RLF: variants seen among roughly 807,000 people sequenced by gnomAD.
The protein encoded by RLF is zinc finger protein Rlf.
RLF carries 7 observed loss-of-function variants against 162.9 expected under a neutral mutation model. That is an observed-to-expected ratio of 0.04 (90% CI 0.02 to 0.08). The LOEUF (loss-of-function observed/expected upper bound fraction) is 0.08. Among genes scored for constraint, RLF ranks in the 10% least tolerant of loss-of-function variants. RLF has a pLI of 1.00. For synonymous variants in RLF, 782 were observed against 791.5 expected, an observed-to-expected ratio of 0.99 and a Z score of 0.20; for missense variants, 1,664 against 2,244.7, an observed-to-expected ratio of 0.74 and a Z score of 5.23.
chr1:40,235,864 G>A lies in RLF; in HGVS notation c.1162G>A (p.Glu388Lys). ...RALQLRSSEDEEMKASVCKTI... is the reference protein window; with the variant it reads ...RALQLRSSEDKEMKASVCKTI... ...TCTTCAACTCAGATCAAGTGAAGAT[G>A]AGGAAATGAAGGCATCAGTTTGTAA... The change falls in exon 8 of 8, where the codon GAG (glutamate) becomes AAG (lysine). Residue 388 changes from glutamate (E) to lysine (K), a missense_variant. Transcript: ENST00000372771. 6.2e-7 allele frequency: 1 copy of A among 1,614,034 alleles called. No homozygotes were observed. The highest frequency in any genetic ancestry group is 8.5e-7 in the Non-Finnish European group (1 of 1,179,966).
At chr1:40,198,478 A>G (rs1294740851) in intron 4 of RLF, among the ~76,000 whole-genome samples, 1 of 150,448 alleles carries the variant, frequency 6.6e-6, no homozygotes, top group Non-Finnish European at 1.5e-5. Flanking sequence ...CTAATTTTTT[A>G]TATTTAGAAA....
intron 1 of RLF, among the ~76,000 whole-genome samples, 168 bp from the exon 2 acceptor site, chr1:40,188,887 T>G (rs1008725901): frequency 6.6e-6 from 1 of 152,180 alleles, no homozygotes; most frequent in African/African-American, 2.4e-5. Context: ...AATCATTCAT[T>G]AAGTGATGAA....
intron 1 of RLF, among the ~76,000 whole-genome samples, chr1:40,162,779 A>AT (rs1642113346): frequency 6.6e-6 from 1 of 152,170 alleles, no homozygotes; most frequent in African/African-American, 2.4e-5. Flanking sequence ...TACCACTCCA[A>AT]TTTTTGTGTG....
intron 1 of RLF, among the ~76,000 whole-genome samples, chr1:40,183,710 C>G (rs972296910): frequency 2.0e-5 from 3 of 151,374 alleles, no homozygotes; most frequent in African/African-American, 7.3e-5. Context: ...TGACTTTGCC[C>G]AAATAATTCA....
chr1:40,177,760 ATTT>A (rs938101178), intron 1 of RLF: 4 of 152,070 alleles, frequency 2.6e-5, no homozygotes, highest in African/African-American at 9.7e-5. Flanking sequence ...TTTGGAGTTA[ATTT>A]TTATATACGG....
chr1:40,172,488 G>T (rs1278836869), intron 1 of RLF, among the ~76,000 whole-genome samples: 2 of 152,166 alleles, frequency 1.3e-5, no homozygotes, highest in Non-Finnish European at 2.9e-5. Context: ...TCCTGGAATT[G>T]AAATTATAGG....
At position 40,190,787 on chromosome 1, in the gene RLF, A is replaced by T. The variant is rs1448994259; in HGVS notation, c.408A>T (p.Leu136Phe). 6.2e-7 allele frequency: 1 copy of T among 1,610,658 alleles called. No individual in the cohort carries two copies. The highest frequency in any genetic ancestry group is 1.3e-5 in the African/African-American group (1 of 74,844). ...LGRLVLSCFE[L>F]LLSVSESELP... The stretch of plus-strand genomic sequence containing the variant: ...TTTATTGTAGGAGTTGTTTCGAATT[A>T]CTGCTTTCAGTGTCTGAAAGTGAAC... The change falls in exon 3 of 8, where the codon TTA (leucine) becomes TTT (phenylalanine). Residue 136 changes from leucine to phenylalanine, a missense_variant. Leu to Phe is a conservative substitution (Grantham distance 22, BLOSUM62 0). This residue lies in a region of RLF where 287 missense variants were observed against 404.9 expected (regional missense o/e 0.71). Coordinates refer to ENST00000372771, the MANE Select transcript of RLF (RefSeq NM_012421.4).
intron 6 of RLF, among the ~76,000 whole-genome samples, chr1:40,226,607 G>A (rs1209315406): frequency 6.6e-6 from 1 of 152,180 alleles, no homozygotes; most frequent in East Asian, 1.9e-4. Context: ...ACTAGCATAT[G>A]TGTTTTATTT....
rs1009194643 is a variant in RLF at position 40,198,915 on chromosome 1, C to T, written c.607+3151C>T. On this transcript the variant is annotated intron_variant, in intron 4 of 7. Transcript: ENST00000372771. Reference sequence around the variant, plus strand: ...AATAAAGAAATTCAAAGATTGATATCTTCAAATGATTTGTAAAATACAAGA... The same window carrying T: ...AATAAAGAAATTCAAAGATTGATATTTTCAAATGATTTGTAAAATACAAGA... 4.6e-5 allele frequency among the ~76,000 whole-genome samples: 7 copies of T among 152,282 alleles called. No homozygotes were observed. In the East Asian group the frequency reaches 1.4e-3, roughly 29 times the overall value.
chr1:40,161,417 A>T lies in RLF; in HGVS notation c.18A>T (p.Gly6=). Residue 6 remains glycine (G), a synonymous_variant, in exon 1 of 8, where the codon GGA becomes GGT. Coordinates refer to ENST00000372771, the MANE Select transcript of RLF (RefSeq NM_012421.4). The surrounding 1 kb of genome is among the most constrained non-coding windows in gnomAD (Gnocchi z 4.4). MADGK[G]DAAAVAGAGA... ...GTGGGAAGATGGCGGACGGAAAGGG[A>T]GACGCCGCCGCTGTCGCCGGGGCTG... 6.5e-7 allele frequency: 1 copy of T among 1,544,936 alleles called. No individual in the cohort carries two copies. The highest frequency in any genetic ancestry group is 2.4e-5 in the East Asian group (1 of 41,084).
At chr1:40,180,857 G>T (rs1314311199) in intron 1 of RLF, among the ~76,000 whole-genome samples, 3 of 152,128 alleles carry the variant, frequency 2.0e-5, no homozygotes, top group Non-Finnish European at 4.4e-5. Flanking sequence ...TTACTCTCTT[G>T]ATAGTGTCCT....
At chr1:40,231,000 A>G (rs1056927500) in intron 6 of RLF, among the ~76,000 whole-genome samples, 2 of 152,148 alleles carry the variant, frequency 1.3e-5, no homozygotes, top group African/African-American at 4.8e-5. Context: ...TACTTATTTC[A>G]CTGGAAGTAT....
At position 40,237,438 on chromosome 1, in the gene RLF, A is replaced by G. The variant is rs751697982; in HGVS notation, c.2736A>G (p.Leu912=). ...CTTCAGCTTCAATGAATGAAGAGCTAATTGACACACTAGATCACTCTGAAA... is the reference window on the plus strand; with the variant it reads ...CTTCAGCTTCAATGAATGAAGAGCTGATTGACACACTAGATCACTCTGAAA... ...HSSSASMNEE[L]IDTLDHSETM... The change falls in exon 8 of 8, where the codon CTA becomes CTG. Residue 912 remains leucine (L), a synonymous_variant. Transcript: ENST00000372771. This position sits in a 1 kb window ranked among gnomAD's most constrained non-coding sequence, Gnocchi z 4.4. The G allele has an allele frequency of 1.9e-6, 3 of 1,614,086 alleles. No individual in the cohort carries two copies. The highest frequency in any genetic ancestry group is 1.7e-5 in the Admixed American group (1 of 60,016).
At position 40,237,027 on chromosome 1, in the gene RLF, A is replaced by G. The variant is rs1200349924; in HGVS notation, c.2325A>G (p.Leu775=). 2 of 1,614,194 alleles carry G rather than the reference A, an allele frequency of 1.2e-6. No homozygotes were observed. Among genetic ancestry groups the G allele is most frequent in the Non-Finnish European group, 1.7e-6 (2 of 1,180,022 alleles). Reference sequence around the variant, plus strand: ...ACGATCTGCGTTACAAATGTGAATTAAATGGCTGTAATATTGTTTTCAGTG... The same window carrying G: ...ACGATCTGCGTTACAAATGTGAATTGAATGGCTGTAATATTGTTTTCAGTG... The part of the protein sequence containing the change: ...KHDDLRYKCE[L]NGCNIVFSDL... Residue 775 remains leucine (L), a synonymous_variant, in exon 8 of 8, where the codon TTA becomes TTG. Coordinates refer to ENST00000372771, the MANE Select transcript of RLF (RefSeq NM_012421.4). This position sits in a 1 kb window ranked among gnomAD's most constrained non-coding sequence, Gnocchi z 4.4.
Position 40,222,538 on chromosome 1 carries a change from A to G in RLF, c.811-36A>G, listed in dbSNP as rs765937732. On this transcript the variant is annotated intron_variant, in intron 5 of 7. Transcript: ENST00000372771. ...TAACAAAGTTTACTGAAAAGTCACC[A>G]TTTTCTTTTTGACTTAGTCATCTCA... 7 of 1,599,732 alleles carry G rather than the reference A, an allele frequency of 4.4e-6. No individual in the cohort carries two copies. In the South Asian group the frequency reaches 7.9e-5, roughly 18 times the overall value.
At position 40,186,955 on chromosome 1, in the gene RLF, A is replaced by G. The variant is rs61780447; in HGVS notation, c.238-2100A>G. On this transcript the variant is annotated intron_variant, in intron 1 of 7. Transcript: ENST00000372771. ...AACTCCTTAATTCTTAGATTAGCCA[A>G]TGCAGACAGTAAGTAACTTACTGAC... is the stretch of plus-strand genomic sequence containing the variant. 3.6e-3 allele frequency among the ~76,000 whole-genome samples: 555 copies of G among 152,302 alleles called. 13 individuals carry two copies. The highest frequency in any genetic ancestry group is 0.032 in the East Asian group (165 of 5,186).
intron 1 of RLF, among the ~76,000 whole-genome samples, chr1:40,188,423 T>TC (rs1300403198): frequency 1.3e-5 from 2 of 152,112 alleles, no homozygotes; most frequent in African/African-American, 4.8e-5. Context: ...AGAGGACTAT[T>TC]CCCCCCATTG....
Position 40,161,773 on chromosome 1 carries a change from C to T in RLF, c.237+137C>T. 7.8e-7 allele frequency: 1 copy of T among 1,283,604 alleles called. No individual in the cohort carries two copies. The highest frequency in any genetic ancestry group is 1.4e-5 in the South Asian group (1 of 70,148). The allele number at this position is 1,283,604 out of a possible 1,614,324, so 79.5% of individuals were successfully genotyped here. A position where few individuals can be genotyped will look rare whatever the true frequency, so the allele number is the denominator to read the frequency against. ...TCGCCGCGCCCCCGGGCCGGGAAGG[C>T]CCAGCTCGGAAGCTCGACCGCTGGC... On this transcript the variant is annotated intron_variant, in intron 1 of 7. Transcript: ENST00000372771. This position sits in a 1 kb window ranked among gnomAD's most constrained non-coding sequence, Gnocchi z 4.4.
intron 1 of RLF, among the ~76,000 whole-genome samples, chr1:40,171,940 T>G (rs1380655453): frequency 6.6e-6 from 1 of 152,126 alleles, no homozygotes; most frequent in Non-Finnish European, 1.5e-5. Context: ...CTATAGAATT[T>G]TTCTGTATGA....
Sources: allele counts gnomAD v4.1 joint callset (sites outside exome capture counted in the v4.1 genomes callset), GRCh38; gene constraint gnomAD v4.1.1; regional missense constraint gnomAD v4.1.1; non-coding constraint Gnocchi (gnomAD v3.1); transcripts MANE v1.5; gene names NCBI Gene and HGNC (gene_info 2026-07-23, HGNC 2026-07-21).